Variants in ACYP2 observed in about 807,000 individuals in gnomAD.
ACYP2 encodes the protein acylphosphatase-2.
In ACYP2, 12 loss-of-function variants were observed where a neutral mutation model predicts 11.2. The observed-to-expected ratio is 1.08, with a 90% CI of 0.69 to 1.74. The LOEUF (loss-of-function observed/expected upper bound fraction) is 1.74, where lower values mean the gene tolerates loss of function less well. Among genes scored for constraint, ACYP2 ranks in the 40% most tolerant of loss-of-function variants. The pLI is 0.00. For synonymous variants in ACYP2, 43 were observed against 32.2 expected (o/e 1.33, Z -1.13); for missense variants, 134 against 101.9 (o/e 1.31, Z -1.35).
intron 6 of ACYP2, among the ~76,000 whole-genome samples, chr2:54,276,300 C>A (rs1428798441): frequency 1.3e-5 from 2 of 152,212 alleles, no homozygotes; most frequent in Middle Eastern, 6.8e-3. Flanking sequence ...TCTGGTGTCT[C>A]CATGTTGTTA....
At chr2:54,018,600 G>A (rs1016067433) in intron 2 of ACYP2, among the ~76,000 whole-genome samples, 2 of 152,046 alleles carry the variant, frequency 1.3e-5, no homozygotes, top group African/African-American at 2.4e-5. Flanking sequence ...ATCAGTTGAG[G>A]TTAAGAGTTT....
At chr2:54,010,210 G>A (rs1307011442) in intron 2 of ACYP2, among the ~76,000 whole-genome samples, 2 of 152,112 alleles carry the variant, frequency 1.3e-5, no homozygotes, top group African/African-American at 2.4e-5. Context: ...CTGGCCAGGC[G>A]CAGTGGCTCA....
At chr2:54,127,322 A>G (rs1045626147) in intron 4 of ACYP2, among the ~76,000 whole-genome samples, 1 of 152,214 alleles carries the variant, frequency 6.6e-6, no homozygotes, top group African/African-American at 2.4e-5. Flanking sequence ...AGTGCAGACT[A>G]TACTTGTGAT....
At chr2:54,295,263 T>C (rs1411713736) in intron 6 of ACYP2, among the ~76,000 whole-genome samples, 1 of 152,252 alleles carries the variant, frequency 6.6e-6, no homozygotes, top group Non-Finnish European at 1.5e-5. Context: ...TTGGTTCACC[T>C]GCTTCTATTC....
intron 6 of ACYP2, among the ~76,000 whole-genome samples, chr2:54,279,186 G>T (rs1244770951): frequency 6.6e-6 from 1 of 152,210 alleles, no homozygotes; most frequent in East Asian, 1.9e-4. Flanking sequence ...TCATCGTGGA[G>T]ATCGTTTAGA....
chr2:54,031,394 C>A (rs556932719), intron 2 of ACYP2, among the ~76,000 whole-genome samples: 1 of 151,140 alleles, frequency 6.6e-6, no homozygotes, highest in African/African-American at 2.4e-5. Context: ...TCTGTCCTTG[C>A]GATAGTTTGC....
At chr2:54,162,683 A>G (rs1682771723) in intron 6 of ACYP2, among the ~76,000 whole-genome samples, 1 of 152,122 alleles carries the variant, frequency 6.6e-6, no homozygotes, top group Non-Finnish European at 1.5e-5. Context: ...CCTCCTGTAC[A>G]GGCCAGGCAT....
chr2:54,115,349 G>T, intron 4 of ACYP2: 1 of 501,960 alleles, frequency 2.0e-6, no homozygotes, highest in Non-Finnish European at 3.5e-6. Context: ...CTCTTTTTTT[G>T]GGCACAGCAT....
intron 6 of ACYP2, among the ~76,000 whole-genome samples, chr2:54,191,754 A>C (rs1684249588): frequency 6.6e-6 from 1 of 152,126 alleles, no homozygotes; most frequent in African/African-American, 2.4e-5. Flanking sequence ...CCCTTGTTGA[A>C]GATTTGTTTG....
In ACYP2 at chr2:54,256,152, G is replaced by T. The variant is rs1197583972; in HGVS notation, c.405-48536G>T. 1.9e-6 allele frequency: 3 copies of T among 1,609,082 alleles called. No homozygotes were observed. The Admixed American group carries it at 5.0e-5, about 27-fold the overall frequency. ...TGTGAGGACTCTCCGGGAGGCTCAT[G>T]TTGGTAGCGGCCAGGGCAGCAGTGG... On this transcript the variant is annotated intron_variant, in intron 6 of 6. Coordinates refer to ENST00000607452, the MANE Select transcript of ACYP2 (RefSeq NM_001320586.2).
At chr2:53,984,834 G>C (rs1415106307) in intron 2 of ACYP2, among the ~76,000 whole-genome samples, 3 of 151,502 alleles carry the variant, frequency 2.0e-5, no homozygotes, top group African/African-American at 7.3e-5. Context: ...TGCAGAAAAA[G>C]CATTTATTAG....
intron 4 of ACYP2, among the ~76,000 whole-genome samples, chr2:54,107,908 G>T (rs879649689): frequency 1.3e-5 from 2 of 152,206 alleles, no homozygotes; most frequent in African/African-American, 2.4e-5. Context: ...GAATTGGGAA[G>T]TTGTTGCTAT....
intron 6 of ACYP2, among the ~76,000 whole-genome samples, chr2:54,275,581 T>C (rs1280938627): frequency 6.6e-6 from 1 of 152,206 alleles, no homozygotes; most frequent in Non-Finnish European, 1.5e-5. Context: ...CTTCTAGTGT[T>C]TTATTTCAGC....
At chr2:54,260,157 C>A (rs1398530011) in intron 6 of ACYP2, among the ~76,000 whole-genome samples, 1 of 152,030 alleles carries the variant, frequency 6.6e-6, no homozygotes, top group African/African-American at 2.4e-5. Flanking sequence ...GGCAGGAAGT[C>A]AAAGTGTGAG....
At chr2:54,126,885 T>C in intron 4 of ACYP2, among the ~76,000 whole-genome samples, 1 of 145,674 alleles carries the variant, frequency 6.9e-6, no homozygotes, top group East Asian at 2.0e-4. Flanking sequence ...ACCCGGGAGG[T>C]GGAGGTTGCA....
chr2:54,041,225 G>T (rs560478040), intron 2 of ACYP2, among the ~76,000 whole-genome samples: 1 of 152,204 alleles, frequency 6.6e-6, no homozygotes, highest in African/African-American at 2.4e-5. Context: ...GGGATTACAG[G>T]CATGAGCCAT....
intron 4 of ACYP2, among the ~76,000 whole-genome samples, chr2:54,120,168 T>C (rs1030902161): frequency 3.3e-5 from 5 of 152,202 alleles, no homozygotes; most frequent in African/African-American, 1.2e-4. Context: ...ACTCTTTTTT[T>C]TCTCTCTCTC....
intron 6 of ACYP2, among the ~76,000 whole-genome samples, chr2:54,215,738 T>A (rs1217168916): frequency 6.6e-5 from 10 of 152,196 alleles, no homozygotes; most frequent in Admixed American, 3.9e-4. Context: ...TCTCTTTCCA[T>A]GTCAGTAAAT....
intron 6 of ACYP2, among the ~76,000 whole-genome samples, chr2:54,187,124 A>G (rs947071784): frequency 2.0e-5 from 3 of 152,202 alleles, no homozygotes; most frequent in African/African-American, 7.2e-5. Flanking sequence ...CTGAATGTGT[A>G]CGTTTACTAT....
Sources: allele counts gnomAD v4.1 joint callset (sites outside exome capture counted in the v4.1 genomes callset), GRCh38; gene constraint gnomAD v4.1.1; transcripts MANE v1.5; gene names NCBI Gene and HGNC (gene_info 2026-07-23, HGNC 2026-07-21).